Variants in CABP1 observed in about 807,000 individuals in gnomAD.
CABP1 encodes the protein calcium binding protein 1.
In CABP1, 17 loss-of-function variants were observed where a neutral mutation model predicts 34.3. The ratio of observed to expected loss-of-function variants is 0.50; its 90% confidence interval spans 0.34 to 0.74. The LOEUF (loss-of-function observed/expected upper bound fraction) is 0.74. Among genes scored for constraint, CABP1 ranks in the 30% least tolerant of loss-of-function variants. The pLI is 0.01. For missense variants in CABP1, 373 were observed against 511.1 expected (o/e 0.73, Z 2.61); for synonymous variants, 198 against 229.2 (o/e 0.86, Z 1.23).
Position 120,641,783 on chromosome 12 carries a change from CA to C in CABP1, c.654+445del, listed in dbSNP as rs1879344878. On this transcript the variant is annotated intron_variant, in intron 1 of 5. Coordinates refer to ENST00000316803, the MANE Select transcript of CABP1 (RefSeq NM_001033677.2). The surrounding 1 kb of genome is among the most constrained non-coding windows in gnomAD (Gnocchi z 6.7). Reference sequence around the variant, plus strand: ...TCAAGAGAGGGGACCTCAGAGAACACAGAATTACTTGAGGGCGAGGGACACT... The same window carrying C: ...TCAAGAGAGGGGACCTCAGAGAACACGAATTACTTGAGGGCGAGGGACACT... 6.6e-6 allele frequency among the ~76,000 whole-genome samples: 1 copy of C among 152,222 alleles called. No individual in the cohort carries two copies. The highest frequency in any genetic ancestry group is 1.9e-4 in the East Asian group (1 of 5,198).
chr12:120,669,934 T>C (rs546304099), downstream of CABP1, among the ~76,000 whole-genome samples: 1 of 152,302 alleles, frequency 6.6e-6, no homozygotes, highest in East Asian at 1.9e-4. Flanking sequence ...TGTTGGTTTG[T>C]TCATTTTAAA....
chr12:120,666,995 G>C lies in CABP1; in HGVS notation c.*95G>C. 6.8e-7 allele frequency: 1 copy of C among 1,468,658 alleles called. No homozygotes were observed. Among genetic ancestry groups the C allele is most frequent in the Non-Finnish European group, 9.2e-7 (1 of 1,083,512 alleles). 91.0% of individuals were successfully genotyped at this position (1,468,658 alleles called of 1,614,324 possible). A position where few individuals can be genotyped will look rare whatever the true frequency, so the allele number is the denominator to read the frequency against. On this transcript the variant is annotated 3_prime_UTR_variant, in exon 6 of 6. Transcript: ENST00000316803. ...ACCCGCTGTAGCCGCCGAGAGCCCA[G>C]GATGTACTGGCGGATGGGGCCTGCC...
rs778357660 is a variant in CABP1 at position 120,661,056 on chromosome 12, T to G, written c.940-15T>G. 6.2e-7 allele frequency: 1 copy of G among 1,609,632 alleles called. No individual in the cohort carries two copies. The highest frequency in any genetic ancestry group is 8.5e-7 in the Non-Finnish European group (1 of 1,177,910). Reference sequence around the variant, plus strand: ...CATGCTGGGGCGACCTCTCCTTCCTTCCTGCCTTCTCTAGTTTGACACCAA... The same window carrying G: ...CATGCTGGGGCGACCTCTCCTTCCTGCCTGCCTTCTCTAGTTTGACACCAA... On this transcript the variant is annotated splice_polypyrimidine_tract_variant and intron_variant, in intron 4 of 5. Transcript: ENST00000316803. The surrounding 1 kb of genome is among the most constrained non-coding windows in gnomAD (Gnocchi z 5.1).
At chr12:120,677,382 C>T in the CABP1 span, among the ~76,000 whole-genome samples, 2 of 147,454 alleles carry the variant, frequency 1.4e-5, no homozygotes, top group Non-Finnish European at 3.0e-5. Context: ...GCCACTATGC[C>T]CAGCCTTCTT....
the CABP1 span, among the ~76,000 whole-genome samples, chr12:120,675,766 T>G: frequency 6.6e-6 from 1 of 152,174 alleles, no homozygotes; most frequent in East Asian, 1.9e-4. Flanking sequence ...CAGTGTCTAG[T>G]AGGCACTTAG....
chr12:120,680,762 G>A, the CABP1 span, among the ~76,000 whole-genome samples: 6 of 152,018 alleles, frequency 3.9e-5, no homozygotes, highest in Non-Finnish European at 8.8e-5. Context: ...TCCTGCCCTG[G>A]GTTCAGGCCC....
chr12:120,665,302 T>C (rs1880900454), intron 5 of CABP1, among the ~76,000 whole-genome samples: 1 of 152,022 alleles, frequency 6.6e-6, no homozygotes, highest in Non-Finnish European at 1.5e-5. Flanking sequence ...GGCGCATGCC[T>C]GTAGTCCCAG....
Position 120,660,162 on chromosome 12 carries a change from C to T in CABP1, c.686-34C>T. ...CCCACAGAGGCTCTGCGGGTCCTAC[C>T]CCTGACCACATCCACCTTTGCTCAC... On this transcript the variant is annotated intron_variant, in intron 2 of 5. Coordinates refer to ENST00000316803, the MANE Select transcript of CABP1 (RefSeq NM_001033677.2). The surrounding 1 kb of genome is among the most constrained non-coding windows in gnomAD (Gnocchi z 5.0). The T allele has an allele frequency of 6.2e-7, 1 of 1,612,846 alleles. No individual in the cohort carries two copies. The highest frequency in any genetic ancestry group is 8.5e-7 in the Non-Finnish European group (1 of 1,179,226).
chr12:120,663,996 C>G (rs59904018), intron 5 of CABP1, among the ~76,000 whole-genome samples: 11,069 of 152,308 alleles, frequency 0.073, 930 homozygotes, highest in African/African-American at 0.2. Flanking sequence ...GGGAGGTTTT[C>G]TCTCAGGAGC....
At position 120,655,830 on chromosome 12, in the gene CABP1, CGTGT is replaced by C. The variant is rs746144300; in HGVS notation, c.655-4030_655-4027del. 176 of 879,046 alleles carry C rather than the reference CGTGT, an allele frequency of 2.0e-4. 1 individual carries two copies. The highest frequency in any genetic ancestry group is 4.6e-4 in the Middle Eastern group (1 of 2,162). The allele number at this position is 879,046 out of a possible 1,614,324, so 54.5% of individuals were successfully genotyped here. A position where few individuals can be genotyped will look rare whatever the true frequency, so the allele number is the denominator to read the frequency against. ...ATATGTATGTGCCAGTGCGTGCGTGCGTGTGTGTGTGTGTGTGTGTGCGCATGTG... is the reference window on the plus strand; with the variant it reads ...ATATGTATGTGCCAGTGCGTGCGTGCGTGTGTGTGTGTGTGTGCGCATGTG... On this transcript the variant is annotated intron_variant, in intron 1 of 5. Coordinates refer to ENST00000316803, the MANE Select transcript of CABP1 (RefSeq NM_001033677.2).
chr12:120,659,200 CA>C (rs1300812076), intron 1 of CABP1: 4 of 152,332 alleles, frequency 2.6e-5, no homozygotes, highest in Non-Finnish European at 5.9e-5. Flanking sequence ...GGGGAACGTA[CA>C]GGGATGGGGG....
Position 120,661,498 on chromosome 12 carries a change from A to ACCAT in CABP1, c.1087+297_1087+300dup, listed in dbSNP as rs766779534. The ACCAT allele has an allele frequency of 2.1e-5, 8 of 380,224 alleles. No homozygotes were observed. Among genetic ancestry groups the ACCAT allele is most frequent in the African/African-American group, 6.2e-5 (3 of 48,482 alleles). The allele number at this position is 380,224 out of a possible 1,614,324, so 23.6% of individuals were successfully genotyped here. A position where few individuals can be genotyped will look rare whatever the true frequency, so the allele number is the denominator to read the frequency against. On this transcript the variant is annotated intron_variant, in intron 5 of 5. Coordinates refer to ENST00000316803, the MANE Select transcript of CABP1 (RefSeq NM_001033677.2). The surrounding 1 kb of genome is among the most constrained non-coding windows in gnomAD (Gnocchi z 5.1). ...CATCTACCTATCTATCCATCTGTCC[A>ACCAT]CCATCCATCCATCCATCCATTTATC... is the stretch of plus-strand genomic sequence containing the variant.
At chr12:120,648,767 G>A (rs1312138504) in intron 1 of CABP1, among the ~76,000 whole-genome samples, 2 of 152,012 alleles carry the variant, frequency 1.3e-5, no homozygotes, top group African/African-American at 4.8e-5. Context: ...TGTAATCCTA[G>A]CTACTCGGGA....
intron 1 of CABP1, chr12:120,650,529 C>T: frequency 6.3e-7 from 1 of 1,594,768 alleles, no homozygotes; most frequent in Non-Finnish European, 8.5e-7. Flanking sequence ...AAGAACGGCA[C>T]AGACGGAGGG....
At chr12:120,680,137 C>T in the CABP1 span, among the ~76,000 whole-genome samples, 3 of 152,164 alleles carry the variant, frequency 2.0e-5, no homozygotes, top group African/African-American at 7.2e-5. Context: ...CACACCACTG[C>T]ACTCCAACCT....
the CABP1 span, among the ~76,000 whole-genome samples, chr12:120,679,300 A>G: frequency 6.6e-6 from 1 of 152,166 alleles, no homozygotes; most frequent in Non-Finnish European, 1.5e-5. Context: ...TCAAAGGAAA[A>G]GAAGTATATT....
At chr12:120,646,190 C>T (rs1879530467) in intron 1 of CABP1, among the ~76,000 whole-genome samples, 1 of 152,196 alleles carries the variant, frequency 6.6e-6, no homozygotes, top group Non-Finnish European at 1.5e-5. Context: ...TCGTCAGAAG[C>T]ATCTGCAAAG....
downstream of CABP1, among the ~76,000 whole-genome samples, chr12:120,668,196 T>G (rs751973088): frequency 1.8e-5 from 2 of 112,150 alleles, no homozygotes; most frequent in Non-Finnish European, 4.1e-5. Context: ...GACAGACAGA[T>G]ATAGACACAG....
chr12:120,672,025 G>A (rs1881266557), downstream of CABP1, among the ~76,000 whole-genome samples: 1 of 152,110 alleles, frequency 6.6e-6, no homozygotes, highest in Non-Finnish European at 1.5e-5. Flanking sequence ...CTATGATCAC[G>A]CCATTGTATT....
Sources: gnomAD v4.1 joint callset for allele counts (sites outside exome capture counted in the v4.1 genomes callset) on GRCh38, gnomAD v4.1.1 for gene constraint, Gnocchi (gnomAD v3.1) non-coding constraint, MANE v1.5 for transcripts, NCBI Gene and HGNC (gene_info 2026-07-23, HGNC 2026-07-21) for gene names.